Variants in CENPW observed in about 807,000 individuals in gnomAD.
CENPW encodes the protein cancer-up-regulated gene 2 protein.
In CENPW, 3 loss-of-function variants were observed where a neutral mutation model predicts 11.1. The observed-to-expected ratio is 0.27, with a 90% CI of 0.12 to 0.70. The LOEUF (loss-of-function observed/expected upper bound fraction) is 0.70, where lower values mean the gene tolerates loss of function less well. Among genes scored for constraint, CENPW ranks in the 30% least tolerant of loss-of-function variants. The probability of loss-of-function intolerance (pLI) is 0.77; values close to 1 mark genes in which losing one functional copy is unlikely to be tolerated. For missense variants in CENPW, 100 were observed against 105.6 expected (o/e 0.95, Z 0.23); for synonymous variants, 38 against 42.0 (o/e 0.91, Z 0.37).
At chr6:126,389,929 A>C in the CENPW span, among the ~76,000 whole-genome samples, 3 of 151,938 alleles carry the variant, frequency 2.0e-5, no homozygotes, top group East Asian at 5.8e-4. Context: ...TGCAAGTAAA[A>C]TGCTGCTGCC....
chr6:126,423,619 G>A, the CENPW span, among the ~76,000 whole-genome samples: 1 of 151,976 alleles, frequency 6.6e-6, no homozygotes, highest in Non-Finnish European at 1.5e-5. Context: ...TGTGGTGGAT[G>A]GTGGTGGTGG....
At chr6:126,354,968 C>T in the CENPW span, among the ~76,000 whole-genome samples, 78 of 152,130 alleles carry the variant, frequency 5.1e-4, no homozygotes, top group African/African-American at 1.8e-3. Context: ...TATTTCCAAA[C>T]TACCTAGAAA....
chr6:126,350,474 C>T (rs544427761), downstream of CENPW, among the ~76,000 whole-genome samples: 61 of 152,180 alleles, frequency 4.0e-4, no homozygotes, highest in African/African-American at 1.2e-3. Flanking sequence ...TCATTTATGA[C>T]GACTTTATTC....
the CENPW span, among the ~76,000 whole-genome samples, chr6:126,368,241 G>C: frequency 2.0e-5 from 3 of 152,160 alleles, no homozygotes; most frequent in Non-Finnish European, 4.4e-5. Context: ...GCCTGCATCA[G>C]GAAGGAAAAA....
the CENPW span, among the ~76,000 whole-genome samples, chr6:126,371,683 G>T: frequency 6.6e-6 from 1 of 152,052 alleles, no homozygotes; most frequent in Non-Finnish European, 1.5e-5. Flanking sequence ...ATGTCTGATA[G>T]AATTCAGCTG....
At chr6:126,377,257 T>C in the CENPW span, among the ~76,000 whole-genome samples, 6 of 152,182 alleles carry the variant, frequency 3.9e-5, no homozygotes, top group Non-Finnish European at 8.8e-5. Flanking sequence ...TATTCTTTTA[T>C]GGAAGTGTGT....
At chr6:126,385,074 A>C in the CENPW span, among the ~76,000 whole-genome samples, 7 of 152,262 alleles carry the variant, frequency 4.6e-5, no homozygotes, top group East Asian at 1.2e-3. Flanking sequence ...GTCTCATACC[A>C]GTCAGAATGG....
At chr6:126,448,768 A>T in the CENPW span, among the ~76,000 whole-genome samples, 1 of 151,030 alleles carries the variant, frequency 6.6e-6, no homozygotes, top group African/African-American at 2.4e-5. Flanking sequence ...GGATAAATCC[A>T]CTCTCAAATC....
chr6:126,387,788 A>T, the CENPW span, among the ~76,000 whole-genome samples: 1 of 151,998 alleles, frequency 6.6e-6, no homozygotes, highest in African/African-American at 2.4e-5. Flanking sequence ...AGACTTGATC[A>T]AGAATGATAG....
the CENPW span, among the ~76,000 whole-genome samples, chr6:126,357,647 C>T: frequency 3.3e-5 from 5 of 151,106 alleles, no homozygotes; most frequent in Admixed American, 2.0e-4. Flanking sequence ...CTTGCTCTGT[C>T]GCCCAGCCTG....
chr6:126,361,687 C>G, the CENPW span, among the ~76,000 whole-genome samples: 1 of 151,702 alleles, frequency 6.6e-6, no homozygotes, highest in Admixed American at 6.6e-5. Context: ...AGGGAATCCC[C>G]TTGGTCACTA....
intron 1 of CENPW, among the ~76,000 whole-genome samples, chr6:126,343,824 T>C (rs531778719): frequency 6.6e-6 from 1 of 152,288 alleles, no homozygotes; most frequent in South Asian, 2.1e-4. Flanking sequence ...GTCTGCCCAG[T>C]CCACTGACTC....
chr6:126,426,501 T>G, the CENPW span, among the ~76,000 whole-genome samples: 1 of 152,098 alleles, frequency 6.6e-6, no homozygotes, highest in African/African-American at 2.4e-5. Context: ...CTGGAAGATA[T>G]GAATCAATAA....
At chr6:126,343,967 A>G (rs1313418589) in intron 1 of CENPW, among the ~76,000 whole-genome samples, 1 of 152,150 alleles carries the variant, frequency 6.6e-6, no homozygotes, top group Admixed American at 6.5e-5. Flanking sequence ...AGGAAAGGGT[A>G]TTCCATCTAG....
At chr6:126,405,094 A>C in the CENPW span, among the ~76,000 whole-genome samples, 1 of 151,944 alleles carries the variant, frequency 6.6e-6, no homozygotes, top group Non-Finnish European at 1.5e-5. Flanking sequence ...CCAATATAAG[A>C]CCAATGTCCT....
the CENPW span, among the ~76,000 whole-genome samples, chr6:126,374,079 A>G: frequency 1.3e-5 from 2 of 152,192 alleles, no homozygotes; most frequent in African/African-American, 2.4e-5. Context: ...AGGTATAGAG[A>G]TCACAGGGAT....
intron 1 of CENPW, among the ~76,000 whole-genome samples, chr6:126,344,307 A>T (rs187317221): frequency 3.0e-4 from 46 of 152,304 alleles, no homozygotes; most frequent in African/African-American, 1.1e-3. Context: ...AGAAGTCTAT[A>T]AACAAGTAGG....
the CENPW span, among the ~76,000 whole-genome samples, chr6:126,373,418 T>TG: frequency 1.3e-5 from 2 of 152,232 alleles, no homozygotes; most frequent in Admixed American, 6.5e-5. Context: ...CATAAAAATT[T>TG]GTGCTTCTAA....
the CENPW span, among the ~76,000 whole-genome samples, chr6:126,477,002 T>TAAAAATGAGTAAAAAAAAAA: frequency 2.6e-5 from 4 of 151,980 alleles, no homozygotes; most frequent in Non-Finnish European, 4.4e-5. Flanking sequence ...GAAATATACT[T>TAAAAATGAGTAAAAAAAAAA]CATTAAAAAA....
Sources: allele counts gnomAD v4.1 joint callset (sites outside exome capture counted in the v4.1 genomes callset), GRCh38; gene constraint gnomAD v4.1.1; transcripts MANE v1.5; gene names NCBI Gene and HGNC (gene_info 2026-07-23, HGNC 2026-07-21).